Variants in LNPK observed in about 807,000 individuals in gnomAD.
LNPK encodes endoplasmic reticulum junction formation protein lunapark.
In LNPK, 29 loss-of-function variants were observed where a neutral mutation model predicts 55.2. That is an observed-to-expected ratio of 0.53 (90% CI 0.39 to 0.72). The LOEUF (loss-of-function observed/expected upper bound fraction) is 0.72, where lower values mean the gene tolerates loss of function less well. LNPK is among the 30% of genes least tolerant of loss of function. The pLI, the probability that LNPK is intolerant of heterozygous loss-of-function variation, is 0.00. For synonymous variants in LNPK, 162 were observed against 168.2 expected, an observed-to-expected ratio of 0.96 and a Z score of 0.29; for missense variants, 467 against 494.8, an observed-to-expected ratio of 0.94 and a Z score of 0.53.
rs550437649 is a variant in LNPK at position 175,981,491 on chromosome 2, T to C, written c.258-1623A>G. Among the ~76,000 whole-genome samples, 34 of 152,270 alleles carry C rather than the reference T, an allele frequency of 2.2e-4. No individual in the cohort carries two copies. In the Middle Eastern group the frequency reaches 0.01, roughly 46 times the overall value. ...TATTGGGATTTGAATTCAGAATGCA[T>C]TTTGGTGGTGGCAAGACAATTAGCT... On this transcript the variant is annotated intron_variant, in intron 4 of 12. Coordinates refer to ENST00000272748, the MANE Select transcript of LNPK (RefSeq NM_030650.3).
intron 12 of LNPK, among the ~76,000 whole-genome samples, chr2:175,934,243 C>T (rs1000284809): frequency 2.0e-5 from 3 of 152,126 alleles, no homozygotes; most frequent in Admixed American, 1.3e-4. Flanking sequence ...ACAAAATTTA[C>T]ATTATCAAAT....
intron 12 of LNPK, among the ~76,000 whole-genome samples, chr2:175,932,961 C>T (rs1425988930): frequency 6.6e-6 from 1 of 151,962 alleles, no homozygotes; most frequent in Non-Finnish European, 1.5e-5. Flanking sequence ...CCCTTTATGG[C>T]CCAGTTTAAG....
chr2:175,953,106 G>A (rs1418452719), intron 8 of LNPK, among the ~76,000 whole-genome samples: 2 of 152,032 alleles, frequency 1.3e-5, no homozygotes, highest in African/African-American at 4.8e-5. Context: ...TATGCAACCT[G>A]TCAAATTCAA....
intron 9 of LNPK, among the ~76,000 whole-genome samples, chr2:175,941,790 C>CAAAAAAAAAAAA (rs59162981): frequency 1.2e-3 from 60 of 51,642 alleles, no homozygotes; most frequent in African/African-American, 1.7e-3. Context: ...GATTCCATCT[C>CAAAAAAAAAAAA]AAAAAAAAAA....
chr2:175,994,421 T>C, intron 2 of LNPK: 3 of 528,656 alleles, frequency 5.7e-6, no homozygotes, highest in Non-Finnish European at 7.3e-6. Context: ...GTACCAAGTA[T>C]AGTTAGACTC....
intron 6 of LNPK, among the ~76,000 whole-genome samples, chr2:175,968,063 TAA>T (rs1322527646): frequency 2.0e-5 from 3 of 152,186 alleles, no homozygotes; most frequent in Admixed American, 2.0e-4. Context: ...TCACCATTAA[TAA>T]GAGAGTGCCA....
Position 175,961,363 on chromosome 2 carries a change from T to C in LNPK, c.493+3009A>G, listed in dbSNP as rs371036582. On this transcript the variant is annotated intron_variant, in intron 8 of 12. Coordinates refer to ENST00000272748, the MANE Select transcript of LNPK (RefSeq NM_030650.3). ...AAAAAGCTTATGCATGATGATCAAG[T>C]TGGCTTCATCCCTGGGATGCAAGGC... is the stretch of plus-strand genomic sequence containing the variant. 3.4e-3 allele frequency among the ~76,000 whole-genome samples: 518 copies of C among 152,346 alleles called. 15 individuals are homozygous for C. The South Asian group carries it at 0.072, about 21-fold the overall frequency.
intron 9 of LNPK, chr2:175,940,975 C>T (rs1443653687): frequency 4.4e-6 from 2 of 454,498 alleles, no homozygotes; most frequent in African/African-American, 2.0e-5. Context: ...CAACCAGGCG[C>T]AGTAGCTCAT....
intron 11 of LNPK, 31 bp from the exon 12 acceptor site, chr2:175,937,545 C>A: frequency 1.3e-6 from 2 of 1,562,110 alleles, no homozygotes; most frequent in Non-Finnish European, 1.7e-6. Context: ...ATAAGCAAAA[C>A]CACAAACCAA....
chr2:175,943,561 T>C (rs558774275), intron 9 of LNPK, among the ~76,000 whole-genome samples: 11 of 152,104 alleles, frequency 7.2e-5, no homozygotes, highest in African/African-American at 2.2e-4. Context: ...TATAAGATAA[T>C]TCATCATGAT....
At chr2:176,001,819 T>C (rs910168271) in intron 1 of LNPK, among the ~76,000 whole-genome samples, 11 of 152,116 alleles carry the variant, frequency 7.2e-5, no homozygotes, top group Non-Finnish European at 1.5e-4. Context: ...TCGACACAAG[T>C]GGGCCAAAGA....
At chr2:175,949,328 G>T (rs935904786) in intron 8 of LNPK, among the ~76,000 whole-genome samples, 3 of 152,034 alleles carry the variant, frequency 2.0e-5, no homozygotes, top group African/African-American at 7.2e-5. Flanking sequence ...CTTAATAGGT[G>T]GTTGCATATT....
intron 4 of LNPK, among the ~76,000 whole-genome samples, chr2:175,987,026 A>T (rs541578021): frequency 1.3e-4 from 20 of 152,226 alleles, no homozygotes; most frequent in African/African-American, 4.8e-4. Flanking sequence ...ATTGCTATTT[A>T]CAGATTATAT....
intron 12 of LNPK, among the ~76,000 whole-genome samples, chr2:175,933,932 A>G (rs542592560): frequency 6.6e-6 from 1 of 152,210 alleles, no homozygotes; most frequent in African/African-American, 2.4e-5. Flanking sequence ...GAGGTCTCAC[A>G]ATATCGGCCA....
chr2:175,929,411 TTCC>T lies in LNPK; in HGVS notation c.*553_*555del. 1.0e-6 allele frequency: 1 copy of T among 985,874 alleles called. No individual in the cohort carries two copies. The highest frequency in any genetic ancestry group is 1.7e-5 in the African/African-American group (1 of 57,370). 61.1% of individuals were successfully genotyped at this position (985,874 alleles called of 1,614,324 possible). Reference sequence around the variant, plus strand: ...ACGTAGTTACAGTTCTACTTAACTGTTCCACTGCATTCTTATTGAGAATTCGTA... The same window carrying T: ...ACGTAGTTACAGTTCTACTTAACTGTACTGCATTCTTATTGAGAATTCGTA... On this transcript the variant is annotated 3_prime_UTR_variant, in exon 13 of 13. Transcript: ENST00000272748.
intron 10 of LNPK, among the ~76,000 whole-genome samples, 188 bp downstream of exon 10, chr2:175,939,363 AT>A (rs1327852680): frequency 6.6e-6 from 1 of 152,176 alleles, no homozygotes; most frequent in Non-Finnish European, 1.5e-5. Context: ...AATGGATTTA[AT>A]CCAGACTATG....
At chr2:175,986,953 T>C (rs1400503594) in intron 4 of LNPK, among the ~76,000 whole-genome samples, 1 of 118,122 alleles carries the variant, frequency 8.5e-6, no homozygotes, top group Admixed American at 8.2e-5. Flanking sequence ...AGAAAAAAAA[T>C]AAAAAATATC....
chr2:175,961,144 C>A (rs1686008796), intron 8 of LNPK, among the ~76,000 whole-genome samples: 1 of 152,188 alleles, frequency 6.6e-6, no homozygotes, highest in Non-Finnish European at 1.5e-5. Context: ...GAAGCTGGCA[C>A]CATTCCTTCT....
chr2:175,957,851 G>A (rs910251202), intron 8 of LNPK, among the ~76,000 whole-genome samples: 7 of 152,304 alleles, frequency 4.6e-5, no homozygotes, highest in Middle Eastern at 6.8e-3. Flanking sequence ...GTACACTCCC[G>A]CCCTAATACT....
Sources: allele counts gnomAD v4.1 joint callset (sites outside exome capture counted in the v4.1 genomes callset), GRCh38; gene constraint gnomAD v4.1.1; transcripts MANE v1.5; gene names NCBI Gene and HGNC (gene_info 2026-07-23, HGNC 2026-07-21).